The following PEX5L variants were observed in gnomAD, a reference collection of about 807,000 sequenced individuals.
PEX5L encodes peroxisomal biogenesis factor 5 like.
PEX5L carries 30 observed loss-of-function variants against 84.0 expected under a neutral mutation model. The ratio of observed to expected loss-of-function variants is 0.36; its 90% CI spans 0.27 to 0.48. The LOEUF (loss-of-function observed/expected upper bound fraction) is 0.48, where lower values mean the gene tolerates loss of function less well. Among genes scored for constraint, PEX5L ranks in the 20% least tolerant of loss-of-function variants. The pLI is 0.99. For missense variants in PEX5L, 533 were observed against 754.6 expected, an observed-to-expected ratio of 0.71 and a Z score of 3.44; for synonymous variants, 270 against 283.1, an observed-to-expected ratio of 0.95 and a Z score of 0.46.
chr3:179,859,882 A>T, intron 7 of PEX5L, among the ~76,000 whole-genome samples: 1 of 152,132 alleles, frequency 6.6e-6, no homozygotes, highest in East Asian at 1.9e-4. Context: ...TGTAGTTTTT[A>T]AAATGTTATT....
At chr3:179,951,289 C>T (rs1440978097) in intron 2 of PEX5L, among the ~76,000 whole-genome samples, 1 of 152,056 alleles carries the variant, frequency 6.6e-6, no homozygotes, top group Non-Finnish European at 1.5e-5. Flanking sequence ...GCTTTCTACT[C>T]CCGTGTCTTT....
At position 179,797,605 on chromosome 3, in the gene PEX5L, A is replaced by ATATATATATATATATATATATATAT. The variant is rs1171034649; in HGVS notation, c.*4222_*4223insATATATATATATATATATATATATA. The ATATATATATATATATATATATATAT allele has an allele frequency of 2.2e-5, 2 of 89,168 alleles. No individual in the cohort carries two copies. Among genetic ancestry groups the ATATATATATATATATATATATATAT allele is most frequent in the African/African-American group, 9.0e-5 (2 of 22,194 alleles). 5.5% of individuals were successfully genotyped at this position (89,168 alleles called of 1,614,324 possible). On this transcript the variant is annotated 3_prime_UTR_variant, in exon 15 of 15. Transcript: ENST00000467460. Reference sequence around the variant, plus strand: ...AACACTCTTTAAAAAAAAAAAAAAAAATATATATATATATATATATATATA... The same window carrying ATATATATATATATATATATATATAT: ...AACACTCTTTAAAAAAAAAAAAAAAATATATATATATATATATATATATATATATATATATATATATATATATATA...
chr3:179,856,938 T>A (rs1744218836), intron 8 of PEX5L, among the ~76,000 whole-genome samples: 1 of 152,214 alleles, frequency 6.6e-6, no homozygotes, highest in Admixed American at 6.5e-5. Context: ...AATGAACAAG[T>A]GGTTTGTCCA....
At chr3:179,883,716 G>A (rs942341544) in intron 4 of PEX5L, among the ~76,000 whole-genome samples, 5 of 152,146 alleles carry the variant, frequency 3.3e-5, no homozygotes, top group Non-Finnish European at 5.9e-5. Context: ...CCTGGGAGGC[G>A]GAGGTTGCGG....
intron 2 of PEX5L, among the ~76,000 whole-genome samples, chr3:179,935,627 A>G (rs1403208221): frequency 6.6e-6 from 1 of 152,226 alleles, no homozygotes; most frequent in Non-Finnish European, 1.5e-5. Context: ...TTTCCTATCT[A>G]TAAAAATTTG....
chr3:179,798,306 T>C lies in PEX5L; in HGVS notation c.*3522A>G, dbSNP rs1431437573. The C allele has an allele frequency of 1.3e-5, 2 of 150,102 alleles. No homozygotes were observed. Among genetic ancestry groups the C allele is most frequent in the African/African-American group, 4.9e-5 (2 of 40,570 alleles). The allele number at this position is 150,102 out of a possible 1,614,324, so 9.3% of individuals were successfully genotyped here. A position where few individuals can be genotyped will look rare whatever the true frequency, so the allele number is the denominator to read the frequency against. On this transcript the variant is annotated 3_prime_UTR_variant, in exon 15 of 15. Coordinates refer to ENST00000467460, the MANE Select transcript of PEX5L (RefSeq NM_016559.3). ...CACGGTGCATAGTATTCTATTAAAA[T>C]TTCCTGGTGGACGAGATCTACCCAT... is the stretch of plus-strand genomic sequence containing the variant.
Position 179,811,854 on chromosome 3 carries a change from C to T in PEX5L, c.1101G>A (p.Gly367=). The change falls in exon 11 of 15, where the codon GGG becomes GGA. Residue 367 remains glycine, a synonymous_variant. Coordinates refer to ENST00000467460, the MANE Select transcript of PEX5L (RefSeq NM_016559.3). ...CATTTTCATTCTCCGCCTGGGTTATCCCGAGGAACTGCCATGCCTACGAAA... is the reference window on the plus strand; with the variant it reads ...CATTTTCATTCTCCGCCTGGGTTATTCCGAGGAACTGCCATGCCTACGAAA... The part of the protein sequence containing the change: ...PGDAEAWQFL[G]ITQAENENEQ... The T allele has an allele frequency of 1.2e-6, 2 of 1,613,804 alleles. No individual in the cohort carries two copies. The highest frequency in any genetic ancestry group is 1.7e-6 in the Non-Finnish European group (2 of 1,179,702).
chr3:179,896,155 A>G (rs945229570), intron 3 of PEX5L: 4 of 152,318 alleles, frequency 2.6e-5, no homozygotes, highest in South Asian at 2.1e-4. Flanking sequence ...ATAGCAGGGA[A>G]GAAGCCACTT....
intron 1 of PEX5L, chr3:179,973,218 T>G: frequency 7.8e-7 from 1 of 1,285,312 alleles, no homozygotes; most frequent in Non-Finnish European, 1.0e-6. Flanking sequence ...AGAGATGGAA[T>G]GTGGGTCCTT....
rs1560632811 is a variant in PEX5L at position 179,905,413 on chromosome 3, C to T, written c.94-7167G>A. ...TCAGTCTCCCGAGTAGCTGGAACTA[C>T]AGGCGCCCGCCACCACGCCCGGCTA... is the stretch of plus-strand genomic sequence containing the variant. On this transcript the variant is annotated intron_variant, in intron 2 of 14. Coordinates refer to ENST00000467460, the MANE Select transcript of PEX5L (RefSeq NM_016559.3). Among the ~76,000 whole-genome samples the T allele has an allele frequency of 3.3e-5, 5 of 152,252 alleles. No homozygotes were observed. In the South Asian group the frequency reaches 1.0e-3, roughly 32 times the overall value.
At chr3:179,834,399 A>G (rs530303413) in intron 8 of PEX5L, among the ~76,000 whole-genome samples, 2 of 152,346 alleles carry the variant, frequency 1.3e-5, no homozygotes, top group South Asian at 4.1e-4. Context: ...GACCCACAGA[A>G]GCAGAACATG....
At chr3:179,883,900 T>C (rs1457388038) in intron 4 of PEX5L, among the ~76,000 whole-genome samples, 1 of 152,200 alleles carries the variant, frequency 6.6e-6, no homozygotes, top group African/African-American at 2.4e-5. Flanking sequence ...AGCATAGTCA[T>C]GATGCAAATA....
At chr3:179,847,367 A>G (rs1325777179) in intron 8 of PEX5L, among the ~76,000 whole-genome samples, 2 of 152,058 alleles carry the variant, frequency 1.3e-5, no homozygotes, top group Admixed American at 1.3e-4. Context: ...CCCGACTAAT[A>G]TAAGATCTAA....
chr3:179,817,845 G>T (rs1726752615), intron 9 of PEX5L, among the ~76,000 whole-genome samples: 2 of 152,196 alleles, frequency 1.3e-5, no homozygotes, highest in Non-Finnish European at 2.9e-5. Flanking sequence ...GTGGGTATGG[G>T]GTTCTGGGAG....
chr3:179,956,902 A>AT (rs35484147), intron 2 of PEX5L, among the ~76,000 whole-genome samples: 5 of 151,734 alleles, frequency 3.3e-5, no homozygotes, highest in Non-Finnish European at 7.4e-5. Context: ...AATGTACATG[A>AT]TTTTTTTTTG....
intron 2 of PEX5L, among the ~76,000 whole-genome samples, chr3:179,909,558 T>C (rs1764452692): frequency 6.6e-6 from 1 of 152,142 alleles, no homozygotes; most frequent in Non-Finnish European, 1.5e-5. Flanking sequence ...CACAAGCAGA[T>C]AATAACAAAC....
At chr3:179,916,779 C>T (rs1025292825) in intron 2 of PEX5L, among the ~76,000 whole-genome samples, 5 of 152,062 alleles carry the variant, frequency 3.3e-5, no homozygotes, top group Non-Finnish European at 7.4e-5. Flanking sequence ...AAGTGATTCT[C>T]CCACCTCAGC....
At chr3:179,911,100 T>C (rs1307651522) in intron 2 of PEX5L, among the ~76,000 whole-genome samples, 3 of 152,188 alleles carry the variant, frequency 2.0e-5, no homozygotes, top group Non-Finnish European at 4.4e-5. Flanking sequence ...GAAGCCAGTG[T>C]CTGGGCTGTG....
chr3:179,931,793 A>T (rs1773190282), intron 2 of PEX5L, among the ~76,000 whole-genome samples: 1 of 152,144 alleles, frequency 6.6e-6, no homozygotes, highest in Admixed American at 6.5e-5. Context: ...TCTAAACTCA[A>T]TTTTCTTTAA....
Sources: allele counts gnomAD v4.1 joint callset (sites outside exome capture counted in the v4.1 genomes callset), GRCh38; gene constraint gnomAD v4.1.1; transcripts MANE v1.5; gene names NCBI Gene and HGNC (gene_info 2026-07-23, HGNC 2026-07-21).